The following SHCBP1 variants were observed in gnomAD, a reference collection of about 807,000 sequenced individuals.
The protein encoded by SHCBP1 is SHC binding and spindle associated 1, also known as SHC SH2 domain-binding protein 1.
In SHCBP1, 60 loss-of-function variants were observed where a neutral mutation model predicts 75.1. That is an observed-to-expected ratio of 0.80 (90% CI 0.65 to 0.99). The LOEUF is 0.99. SHCBP1 is among the 50% of genes least tolerant of loss of function. The pLI, the probability that SHCBP1 is intolerant of heterozygous loss-of-function variation, is 0.00. For synonymous variants in SHCBP1, 290 were observed against 293.2 expected, an observed-to-expected ratio of 0.99 and a Z score of 0.11; for missense variants, 709 against 809.4, an observed-to-expected ratio of 0.88 and a Z score of 1.50.
Position 46,581,688 on chromosome 16 carries a change from T to G in SHCBP1, c.*41A>C, listed in dbSNP as rs1275785829. 1 of 1,535,688 alleles carries G rather than the reference T, an allele frequency of 6.5e-7. No individual in the cohort carries two copies. The highest frequency in any genetic ancestry group is 8.9e-7 in the Non-Finnish European group (1 of 1,122,670). On this transcript the variant is annotated 3_prime_UTR_variant, in exon 13 of 13. Coordinates refer to ENST00000303383, the MANE Select transcript of SHCBP1 (RefSeq NM_024745.5). Reference sequence around the variant, plus strand: ...CAGCAGTGATTCTTAGGGCAGCATGTGCAAAATCCAGTATTTTGCTATCTA... The same window carrying G: ...CAGCAGTGATTCTTAGGGCAGCATGGGCAAAATCCAGTATTTTGCTATCTA...
At chr16:46,590,630 C>T (rs1567443630) in intron 10 of SHCBP1, among the ~76,000 whole-genome samples, 1 of 152,144 alleles carries the variant, frequency 6.6e-6, no homozygotes, top group Non-Finnish European at 1.5e-5. Flanking sequence ...CCATTTCACA[C>T]CAGTTAGAAT....
At chr16:46,603,174 A>G (rs1965268718) in intron 8 of SHCBP1, among the ~76,000 whole-genome samples, 1 of 152,206 alleles carries the variant, frequency 6.6e-6, no homozygotes, top group African/African-American at 2.4e-5. Context: ...GCAAGCAACA[A>G]ATTTTTAAAA....
intron 4 of SHCBP1, among the ~76,000 whole-genome samples, chr16:46,615,177 C>CT (rs2143001981): frequency 6.6e-6 from 1 of 152,186 alleles, no homozygotes; most frequent in African/African-American, 2.4e-5. Flanking sequence ...TTAACATTTC[C>CT]TTTTTTCTAG....
intron 10 of SHCBP1, among the ~76,000 whole-genome samples, chr16:46,595,207 C>T (rs546773026): frequency 1.9e-4 from 29 of 152,176 alleles, no homozygotes; most frequent in South Asian, 4.1e-4. Flanking sequence ...TGATGTTGCA[C>T]GACAGTTTCA....
rs1358281185 is a variant in SHCBP1, at chr16:46,615,951, A to G, written c.591T>C (p.His197=). The stretch of plus-strand genomic sequence containing the variant: ...TTCTCAACTTCTTTTCCTACCTGAC[A>G]TGCTCAATTGCAAGGGCTGTCTGGT... ...VFDQTALAIE[H]VRFFYQNIWR... is the part of the protein sequence containing the mutation. Residue 197 remains histidine (H), a synonymous_variant, in exon 4 of 13, where the codon CAT becomes CAC. Coordinates refer to ENST00000303383, the MANE Select transcript of SHCBP1 (RefSeq NM_024745.5). 1.9e-6 allele frequency: 3 copies of G among 1,614,120 alleles called. No homozygotes were observed. The highest frequency in any genetic ancestry group is 2.2e-5 in the East Asian group (1 of 44,876).
intron 4 of SHCBP1, among the ~76,000 whole-genome samples, chr16:46,613,936 G>GCTC (rs1248774897): frequency 1.3e-5 from 2 of 152,106 alleles, no homozygotes; most frequent in Non-Finnish European, 2.9e-5. Context: ...ATTTAACCAG[G>GCTC]CTCCTCCTCA....
chr16:46,586,667 T>C (rs986027896), intron 10 of SHCBP1, among the ~76,000 whole-genome samples: 9 of 152,154 alleles, frequency 5.9e-5, no homozygotes, highest in African/African-American at 2.2e-4. Context: ...TACATCATAA[T>C]TAAACTAGTG....
chr16:46,583,571 C>T lies in SHCBP1; in HGVS notation c.1638G>A (p.Leu546=). 1 of 1,611,228 alleles carries T rather than the reference C, an allele frequency of 6.2e-7. No homozygotes were observed. Among genetic ancestry groups the T allele is most frequent in the Non-Finnish European group, 8.5e-7 (1 of 1,179,362 alleles). Residue 546 remains leucine, a synonymous_variant, in exon 12 of 13, where the codon TTG becomes TTA. Coordinates refer to ENST00000303383, the MANE Select transcript of SHCBP1 (RefSeq NM_024745.5). The part of the protein sequence containing the change: ...IHNNEGYGVV[L]VKPTIFSDLQ... ...GGTCAGAGAAGATTGTAGGTTTCAC[C>T]AAGACAACACCATAACCTTCATTAT...
rs1449121122 is a variant in SHCBP1 at position 46,578,905 on chromosome 16, C to T, written c.*2824G>A. Among the ~76,000 whole-genome samples the T allele has an allele frequency of 4.6e-5, 7 of 152,294 alleles. No individual in the cohort carries two copies. Among genetic ancestry groups the T allele is most frequent in the South Asian group, 4.1e-4 (2 of 4,822 alleles). On this transcript the variant is annotated 3_prime_UTR_variant, in exon 13 of 13. Coordinates refer to ENST00000303383, the MANE Select transcript of SHCBP1 (RefSeq NM_024745.5). ...ATGAGCTCATCAGTGTTCTATTGAA[C>T]TTTCTTCAATCTCCCTCTGAAAAGC...
chr16:46,588,085 A>G (rs1413379878), intron 10 of SHCBP1, among the ~76,000 whole-genome samples: 1 of 152,228 alleles, frequency 6.6e-6, no homozygotes, highest in East Asian at 1.9e-4. Context: ...TACATAACGA[A>G]ATGAAGGCAC....
intron 11 of SHCBP1, 22 bp downstream of exon 11, chr16:46,583,981 G>A (rs1169335821): frequency 1.3e-6 from 2 of 1,572,812 alleles, no homozygotes; most frequent in Non-Finnish European, 1.7e-6. Flanking sequence ...ATTGAAAAGT[G>A]GGTGTTTTGG....
At chr16:46,607,229 C>T (rs1171069574) in intron 5 of SHCBP1, among the ~76,000 whole-genome samples, 2 of 152,124 alleles carry the variant, frequency 1.3e-5, no homozygotes, top group Admixed American at 6.5e-5. Context: ...GTGGCATGCA[C>T]CTGTATTCAC....
rs1964842873 is a variant in SHCBP1 at position 46,579,766 on chromosome 16, C to T, written c.*1963G>A. 6.6e-6 allele frequency among the ~76,000 whole-genome samples: 1 copy of T among 151,976 alleles called. No individual in the cohort carries two copies. Among genetic ancestry groups the T allele is most frequent in the Non-Finnish European group, 1.5e-5 (1 of 67,990 alleles). ...CCTGGCCAACATGGTTAAACCCTGT[C>T]TCTACTAAAAATACAAAAATTAGCC... On this transcript the variant is annotated 3_prime_UTR_variant, in exon 13 of 13. Transcript: ENST00000303383.
chr16:46,620,537 C>A (rs1315607626), intron 1 of SHCBP1: 1 of 152,216 alleles, frequency 6.6e-6, no homozygotes, highest in African/African-American at 2.4e-5. Context: ...TTGGCATAGT[C>A]TTCCAGATGG....
At chr16:46,611,054 G>A (rs919226197) in intron 4 of SHCBP1, among the ~76,000 whole-genome samples, 3 of 152,066 alleles carry the variant, frequency 2.0e-5, no homozygotes, top group Admixed American at 6.5e-5. Flanking sequence ...TCCCATGTCC[G>A]CATGGGTTTT....
chr16:46,582,609 G>A (rs977453590), intron 12 of SHCBP1, among the ~76,000 whole-genome samples: 1 of 152,168 alleles, frequency 6.6e-6, no homozygotes, highest in African/African-American at 2.4e-5. Flanking sequence ...GCCAGCCCCA[G>A]CAAACAGCCA....
chr16:46,581,870 G>T lies in SHCBP1; in HGVS notation c.1878C>A (p.Gly626=), dbSNP rs1434526685. The stretch of plus-strand genomic sequence containing the variant: ...CACTCAACCTTTTCTTCTTTATCTG[G>T]CCTTTCTGTGTGGAGGCAGCAATTA... ...NELIAASTQK[G]QIKKKRLSEL... Residue 626 remains glycine, a synonymous_variant, in exon 13 of 13, where the codon GGC becomes GGA. Transcript: ENST00000303383. The T allele has an allele frequency of 6.2e-7, 1 of 1,613,962 alleles. No individual in the cohort carries two copies.
chr16:46,587,771 C>T (rs562714114), intron 10 of SHCBP1, among the ~76,000 whole-genome samples: 6 of 152,196 alleles, frequency 3.9e-5, no homozygotes, highest in African/African-American at 1.4e-4. Flanking sequence ...AGAAAGTTAA[C>T]AAGGATACCC....
intron 10 of SHCBP1, among the ~76,000 whole-genome samples, chr16:46,590,263 C>G (rs1318810016): frequency 3.3e-5 from 5 of 152,082 alleles, no homozygotes; most frequent in African/African-American, 1.2e-4. Context: ...CATGGCAGGA[C>G]TTCATGACTA....
Sources: allele counts gnomAD v4.1 joint callset (sites outside exome capture counted in the v4.1 genomes callset), GRCh38; gene constraint gnomAD v4.1.1; transcripts MANE v1.5; gene names NCBI Gene and HGNC (gene_info 2026-07-23, HGNC 2026-07-21).